TMOD1: variants seen among roughly 807,000 people sequenced by gnomAD.
TMOD1 encodes tropomodulin-1.
In TMOD1, 17 loss-of-function variants were observed where a neutral mutation model predicts 40.6. The observed-to-expected ratio is 0.42, with a 90% CI of 0.29 to 0.63. TMOD1 has a LOEUF of 0.63. Ranked by LOEUF, TMOD1 falls within the 20% of genes least tolerant of loss-of-function variation. The pLI is 0.22. For missense variants in TMOD1, 391 were observed against 447.6 expected (o/e 0.87, Z 1.14); for synonymous variants, 181 against 175.0 (o/e 1.03, Z -0.27).
chr9:97,525,288 C>T (rs1829995165), intron 2 of TMOD1, among the ~76,000 whole-genome samples: 1 of 152,086 alleles, frequency 6.6e-6, no homozygotes, highest in Non-Finnish European at 1.5e-5. Flanking sequence ...ACACCAATAA[C>T]AGTAAAGTCG....
intron 1 of TMOD1, among the ~76,000 whole-genome samples, chr9:97,523,284 T>C (rs1829946304): frequency 1.3e-5 from 2 of 152,144 alleles, no homozygotes; most frequent in South Asian, 4.1e-4. Context: ...AGTAGGCTTC[T>C]CCAGCAAGAG....
chr9:97,522,574 T>A (rs570235922), intron 1 of TMOD1, among the ~76,000 whole-genome samples: 22 of 152,308 alleles, frequency 1.4e-4, no homozygotes, highest in Non-Finnish European at 3.1e-4. Context: ...ATTTATTTAC[T>A]TTTTTGAGAC....
At chr9:97,576,244 C>G (rs889155997) in intron 8 of TMOD1, among the ~76,000 whole-genome samples, 2 of 152,082 alleles carry the variant, frequency 1.3e-5, no homozygotes, top group Admixed American at 1.3e-4. Context: ...AGTTCAAGAC[C>G]AGCCTGGTCA....
intron 9 of TMOD1, among the ~76,000 whole-genome samples, chr9:97,597,991 TCTA>T (rs1564002753): frequency 6.6e-6 from 1 of 151,910 alleles, no homozygotes; most frequent in African/African-American, 2.4e-5. Context: ...AAGGCTCAAG[TCTA>T]CTGAGGGAGG....
At chr9:97,542,807 G>A (rs376315912) in intron 2 of TMOD1, among the ~76,000 whole-genome samples, 3 of 143,212 alleles carry the variant, frequency 2.1e-5, no homozygotes, top group South Asian at 2.2e-4. Context: ...CCGAGATCAC[G>A]CCACTGCACT....
intron 2 of TMOD1, among the ~76,000 whole-genome samples, chr9:97,541,759 A>T (rs1830279301): frequency 6.6e-6 from 1 of 151,984 alleles, no homozygotes; most frequent in East Asian, 1.9e-4. Context: ...CAGGTGACCC[A>T]CCCACCTTGG....
At chr9:97,559,539 C>T (rs1048725301) in intron 4 of TMOD1, among the ~76,000 whole-genome samples, 10 of 150,686 alleles carry the variant, frequency 6.6e-5, no homozygotes, top group Non-Finnish European at 1.2e-4. Context: ...CCAAGACAGG[C>T]GGGTTACTTG....
At chr9:97,577,584 T>C (rs1042607230) in intron 8 of TMOD1, among the ~76,000 whole-genome samples, 1 of 152,190 alleles carries the variant, frequency 6.6e-6, no homozygotes, top group African/African-American at 2.4e-5. Flanking sequence ...GGTCAGGAGT[T>C]CAAGACCAGC....
intron 3 of TMOD1, among the ~76,000 whole-genome samples, chr9:97,552,956 A>G (rs1830475990): frequency 1.3e-5 from 2 of 152,258 alleles, no homozygotes; most frequent in African/African-American, 4.8e-5. Flanking sequence ...TGGTTAAGGT[A>G]TCCCATACCC....
intron 8 of TMOD1, among the ~76,000 whole-genome samples, chr9:97,585,862 C>A (rs948026224): frequency 3.6e-5 from 5 of 137,082 alleles, no homozygotes; most frequent in Non-Finnish European, 7.8e-5. Flanking sequence ...CCATCAGCTC[C>A]TTTAAGCACT....
chr9:97,580,639 A>G (rs536526857), intron 8 of TMOD1, among the ~76,000 whole-genome samples: 170 of 140,452 alleles, frequency 1.2e-3, no homozygotes, highest in Non-Finnish European at 1.6e-3. Context: ...GAAGGAGGGA[A>G]GGAAGGGAGG....
At chr9:97,579,121 G>A (rs940771210) in intron 8 of TMOD1, among the ~76,000 whole-genome samples, 1 of 152,196 alleles carries the variant, frequency 6.6e-6, no homozygotes, top group Admixed American at 6.5e-5. Flanking sequence ...TCTGCCTGCC[G>A]TGGCCAGCTT....
intron 2 of TMOD1, among the ~76,000 whole-genome samples, chr9:97,528,904 T>C (rs143705524): frequency 5.9e-5 from 9 of 152,394 alleles, no homozygotes; most frequent in Middle Eastern, 3.4e-3. Flanking sequence ...ACTCACTATG[T>C]GCAGGTGCTG....
Position 97,600,738 on chromosome 9 carries a change from G to T in TMOD1, c.*1040G>T. 2.0e-6 allele frequency: 2 copies of T among 1,006,922 alleles called. No individual in the cohort carries two copies. The highest frequency in any genetic ancestry group is 2.4e-6 in the Non-Finnish European group (2 of 842,900). 62.4% of individuals were successfully genotyped at this position (1,006,922 alleles called of 1,614,324 possible). A position where few individuals can be genotyped will look rare whatever the true frequency, so the allele number is the denominator to read the frequency against. On this transcript the variant is annotated 3_prime_UTR_variant, in exon 10 of 10. Coordinates refer to ENST00000259365, the MANE Select transcript of TMOD1 (RefSeq NM_003275.4). The stretch of plus-strand genomic sequence containing the variant: ...ATGGTGAAGAAACTCCAGATATCAA[G>T]GAATTGGGAAATCCTGGCCAAACCA...
chr9:97,519,764 G>A (rs1052520454), intron 1 of TMOD1, among the ~76,000 whole-genome samples: 1 of 152,188 alleles, frequency 6.6e-6, no homozygotes, highest in African/African-American at 2.4e-5. Context: ...AAGACACATA[G>A]AACACGGGTC....
chr9:97,558,113 C>T (rs1378669665), intron 4 of TMOD1, among the ~76,000 whole-genome samples: 1 of 152,158 alleles, frequency 6.6e-6, no homozygotes, highest in Non-Finnish European at 1.5e-5. Flanking sequence ...CCTTCCCTTC[C>T]TTCCTCTTTC....
intron 3 of TMOD1, among the ~76,000 whole-genome samples, chr9:97,552,803 C>T (rs1830473891): frequency 6.6e-6 from 1 of 152,158 alleles, no homozygotes; most frequent in Admixed American, 6.5e-5. Context: ...CCTCTTTACT[C>T]CCCTTATTCC....
At chr9:97,522,976 G>A (rs1829940364) in intron 1 of TMOD1, among the ~76,000 whole-genome samples, 1 of 152,174 alleles carries the variant, frequency 6.6e-6, no homozygotes, top group South Asian at 2.1e-4. Flanking sequence ...GTCCCTCCTA[G>A]CTCAGCGGAG....
chr9:97,578,120 A>G (rs771746851), intron 8 of TMOD1, among the ~76,000 whole-genome samples: 1 of 152,152 alleles, frequency 6.6e-6, no homozygotes, highest in African/African-American at 2.4e-5. Flanking sequence ...CAGTGGCATG[A>G]TCTCAGCTCA....
Sources: allele counts gnomAD v4.1 joint callset (sites outside exome capture counted in the v4.1 genomes callset), GRCh38; gene constraint gnomAD v4.1.1; transcripts MANE v1.5; gene names NCBI Gene and HGNC (gene_info 2026-07-23, HGNC 2026-07-21).